FMN1: variants seen among roughly 807,000 people sequenced by gnomAD.
FMN1 encodes formin-1.
FMN1 carries 110 observed loss-of-function variants against 132.4 expected under a neutral mutation model. The ratio of observed to expected loss-of-function variants is 0.83; its 90% CI spans 0.71 to 0.97. The LOEUF (loss-of-function observed/expected upper bound fraction) is 0.97, where lower values mean the gene tolerates loss of function less well. FMN1 is among the 50% of genes least tolerant of loss of function. FMN1 has a pLI of 0.00. For synonymous variants in FMN1, 722 were observed against 651.7 expected, an observed-to-expected ratio of 1.11 and a Z score of -1.64; for missense variants, 1,792 against 1,705.3, an observed-to-expected ratio of 1.05 and a Z score of -0.90.
chr15:33,036,935 AATGAGAGC>A (rs1412884135), intron 6 of FMN1, among the ~76,000 whole-genome samples: 5 of 152,254 alleles, frequency 3.3e-5, no homozygotes, highest in African/African-American at 1.2e-4. Flanking sequence ...TTATAAAAGC[AATGAGAGC>A]ATACTCTATA....
chr15:32,823,670 A>C (rs1420422065), intron 17 of FMN1, among the ~76,000 whole-genome samples: 2 of 152,214 alleles, frequency 1.3e-5, no homozygotes, highest in Non-Finnish European at 2.9e-5. Context: ...CAAAATGCTA[A>C]AGTAGCAATT....
At chr15:33,138,839 C>T (rs906298808) in intron 4 of FMN1, among the ~76,000 whole-genome samples, 5 of 152,148 alleles carry the variant, frequency 3.3e-5, no homozygotes, top group Admixed American at 3.3e-4. Context: ...GAGCAGCATC[C>T]TTCCAAAGTC....
At chr15:33,054,828 A>C (rs974025062) in intron 6 of FMN1, among the ~76,000 whole-genome samples, 1 of 152,226 alleles carries the variant, frequency 6.6e-6, no homozygotes, top group Non-Finnish European at 1.5e-5. Context: ...CTAATTATTC[A>C]TAGATCAGTT....
intron 8 of FMN1, among the ~76,000 whole-genome samples, chr15:32,965,710 A>G (rs2031153040): frequency 6.6e-6 from 1 of 152,142 alleles, no homozygotes; most frequent in South Asian, 2.1e-4. Context: ...TTTTGGCCAC[A>G]TTCACCTCTT....
chr15:33,031,981 T>G (rs2035958743), intron 6 of FMN1, among the ~76,000 whole-genome samples: 2 of 152,108 alleles, frequency 1.3e-5, no homozygotes, highest in Non-Finnish European at 2.9e-5. Flanking sequence ...TAAAAATCAA[T>G]AAATGTAATC....
chr15:33,043,841 G>A (rs2036554709), intron 6 of FMN1, among the ~76,000 whole-genome samples: 1 of 152,198 alleles, frequency 6.6e-6, no homozygotes, highest in East Asian at 1.9e-4. Context: ...GTGGAACCAG[G>A]CATCCCCATG....
chr15:32,806,644 C>T (rs2057692443), intron 17 of FMN1, among the ~76,000 whole-genome samples: 1 of 152,244 alleles, frequency 6.6e-6, no homozygotes, highest in South Asian at 2.1e-4. Flanking sequence ...ATTACCTCCT[C>T]TTTCCCACAC....
At chr15:33,102,343 T>C (rs1284632612) in intron 4 of FMN1, among the ~76,000 whole-genome samples, 1 of 152,094 alleles carries the variant, frequency 6.6e-6, no homozygotes, top group South Asian at 2.1e-4. Context: ...GGGATGTAAA[T>C]AGAGGAGTAA....
Position 33,095,716 on chromosome 15 carries a change from T to C in FMN1, c.1868-6742A>G, listed in dbSNP as rs563878157. On this transcript the variant is annotated intron_variant, in intron 4 of 20. Coordinates refer to ENST00000616417, the MANE Select transcript of FMN1 (RefSeq NM_001277313.2). The stretch of plus-strand genomic sequence containing the variant: ...AATAAGAATGCAAAAAAAAGTCATA[T>C]GGCATTCATTACAAGTAAATTTGAA... Among the ~76,000 whole-genome samples the C allele has an allele frequency of 5.9e-5, 9 of 152,308 alleles. No homozygotes were observed. In the South Asian group the frequency reaches 1.9e-3, roughly 32 times the overall value.
chr15:33,003,804 C>G (rs1261681255), intron 7 of FMN1, among the ~76,000 whole-genome samples: 2 of 152,182 alleles, frequency 1.3e-5, no homozygotes, highest in Non-Finnish European at 2.9e-5. Flanking sequence ...CACTACAAGG[C>G]TACAGTAACC....
chr15:33,100,895 T>C (rs910883743), intron 4 of FMN1, among the ~76,000 whole-genome samples: 1 of 152,200 alleles, frequency 6.6e-6, no homozygotes, highest in Non-Finnish European at 1.5e-5. Context: ...TTTAAAATCA[T>C]GTTTCCAAAG....
intron 4 of FMN1, among the ~76,000 whole-genome samples, chr15:33,089,756 T>G (rs995084146): frequency 1.3e-5 from 2 of 152,214 alleles, no homozygotes; most frequent in African/African-American, 4.8e-5. Flanking sequence ...ACCCAGGCAG[T>G]TAAACAATAG....
At chr15:32,817,426 T>C (rs928060573) in intron 17 of FMN1, among the ~76,000 whole-genome samples, 2 of 152,210 alleles carry the variant, frequency 1.3e-5, no homozygotes, top group African/African-American at 4.8e-5. Context: ...GGTCAAGGGT[T>C]TGTCATAGCT....
At chr15:33,091,245 A>G (rs112181226) in intron 4 of FMN1, among the ~76,000 whole-genome samples, 123 of 152,330 alleles carry the variant, frequency 8.1e-4, no homozygotes, top group African/African-American at 2.7e-3. Flanking sequence ...AAACATTCCC[A>G]TAACAACAAG....
At position 32,969,447 on chromosome 15, in the gene FMN1, G is replaced by A. The variant is rs1003249173; in HGVS notation, c.2254C>T (p.Arg752Trp). ...GCTGTTATCATTGCATGCTCGCCCC[G>A]GATATGAAATGCCCGAAGTTCAAAC... The part of the protein sequence containing the change: ...AQFELRAFHI[R>W]GEHAMITARL... Residue 752 changes from arginine (R) to tryptophan (W), a missense_variant, in exon 8 of 21, where the codon CGG becomes TGG. Around this residue, in one of 3 missense-constraint regions of FMN1, gnomAD observed 1,150 missense variants for 1,043.1 expected, o/e 1.10. Transcript: ENST00000616417. 4.3e-6 allele frequency: 7 copies of A among 1,613,744 alleles called. No individual in the cohort carries two copies. The highest frequency in any genetic ancestry group is 1.1e-5 in the South Asian group (1 of 91,070).
At chr15:33,039,992 T>C (rs2036355475) in intron 6 of FMN1, among the ~76,000 whole-genome samples, 1 of 152,176 alleles carries the variant, frequency 6.6e-6, no homozygotes, top group Non-Finnish European at 1.5e-5. Context: ...AACCTTTCAG[T>C]GGCTCCCCCA....
In FMN1 at chr15:32,769,630, T is replaced by C. The variant is rs1419108980; in HGVS notation, c.*4680A>G. 3 of 151,272 alleles carry C rather than the reference T, an allele frequency of 2.0e-5. No homozygotes were observed. The highest frequency in any genetic ancestry group is 4.4e-5 in the Non-Finnish European group (3 of 67,852). The allele number at this position is 151,272 out of a possible 1,614,324, so 9.4% of individuals were successfully genotyped here. ...TAACAGTTTCCAGGCAGCTGGATTG[T>C]TTCTCTCTATAGCTGGAAAATGGAA... is the stretch of plus-strand genomic sequence containing the variant. On this transcript the variant is annotated 3_prime_UTR_variant, in exon 21 of 21. Coordinates refer to ENST00000616417, the MANE Select transcript of FMN1 (RefSeq NM_001277313.2).
At chr15:32,934,706 A>T (rs1012812540) in intron 9 of FMN1, among the ~76,000 whole-genome samples, 6 of 149,886 alleles carry the variant, frequency 4.0e-5, no homozygotes, top group Non-Finnish European at 8.8e-5. Flanking sequence ...TCCCAGGTTC[A>T]AGCGATTCTC....
intron 9 of FMN1, among the ~76,000 whole-genome samples, chr15:32,931,942 G>GT (rs2061129084): frequency 1.3e-5 from 2 of 152,094 alleles, no homozygotes; most frequent in South Asian, 4.2e-4. Flanking sequence ...ACAGTGTTGA[G>GT]TTTTTTCAAA....
Sources: gnomAD v4.1 joint callset for allele counts (sites outside exome capture counted in the v4.1 genomes callset) on GRCh38, gnomAD v4.1.1 for gene constraint, gnomAD v4.1.1 regional missense constraint, MANE v1.5 for transcripts, NCBI Gene and HGNC (gene_info 2026-07-23, HGNC 2026-07-21) for gene names.